Variants in INPP4B observed in about 807,000 individuals in gnomAD.
The protein encoded by INPP4B is inositol polyphosphate 4-phosphatase type II.
A neutral mutation model predicts 122.5 loss-of-function variants in INPP4B; 55 were observed. The ratio of observed to expected loss-of-function variants is 0.45; its 90% confidence interval spans 0.36 to 0.56. The LOEUF (loss-of-function observed/expected upper bound fraction) is 0.56. Ranked by LOEUF, INPP4B falls within the 20% of genes least tolerant of loss-of-function variation. The pLI, the probability that INPP4B is intolerant of heterozygous loss-of-function variation, is 0.00. For synonymous variants in INPP4B, 403 were observed against 388.7 expected (o/e 1.04, Z -0.43); for missense variants, 1,000 against 1,097.7 (o/e 0.91, Z 1.26).
chr4:142,584,760 GA>G (rs1007361633), intron 2 of INPP4B, among the ~76,000 whole-genome samples: 14 of 150,556 alleles, frequency 9.3e-5, no homozygotes, highest in South Asian at 4.2e-4. Flanking sequence ...GTTTTTTGGG[GA>G]AAAAAAAAGT....
intron 7 of INPP4B, among the ~76,000 whole-genome samples, chr4:142,399,189 C>CTTTTTTTTTTTTTTTTTTTTTT (rs70949166): frequency 1.8e-5 from 1 of 56,948 alleles, no homozygotes; most frequent in Non-Finnish European, 3.0e-5. Context: ...TTTCCTTTTG[C>CTTTTTTTTTTTTTTTTTTTTTT]TTTTTTTTTT....
intron 1 of INPP4B, among the ~76,000 whole-genome samples, chr4:142,769,353 G>T (rs1256456165): frequency 6.6e-6 from 1 of 152,144 alleles, no homozygotes; most frequent in Non-Finnish European, 1.5e-5. Context: ...ACGATGCTCT[G>T]CAAGGCACTT....
At chr4:142,617,238 T>C (rs1324911246) in intron 2 of INPP4B, among the ~76,000 whole-genome samples, 1 of 152,132 alleles carries the variant, frequency 6.6e-6, no homozygotes. Context: ...GAATACTCTG[T>C]GCCTACAGCC....
intron 5 of INPP4B, among the ~76,000 whole-genome samples, chr4:142,412,814 C>A (rs1257386795): frequency 2.0e-5 from 3 of 151,674 alleles, no homozygotes; most frequent in Non-Finnish European, 2.9e-5. Context: ...ATTCTTTTTT[C>A]TTCTCTTCTC....
At chr4:142,309,659 G>A (rs1177083111) in intron 8 of INPP4B, among the ~76,000 whole-genome samples, 1 of 152,168 alleles carries the variant, frequency 6.6e-6, no homozygotes, top group East Asian at 1.9e-4. Context: ...TTCTAGGACA[G>A]GTGGCAATTC....
At chr4:142,098,976 C>G (rs939408862) in intron 23 of INPP4B, among the ~76,000 whole-genome samples, 5 of 152,012 alleles carry the variant, frequency 3.3e-5, no homozygotes, top group Non-Finnish European at 7.4e-5. Flanking sequence ...AAAGAAGCAG[C>G]CATAGAGCAG....
chr4:142,442,573 C>T (rs1354566838), intron 3 of INPP4B, among the ~76,000 whole-genome samples: 1 of 151,988 alleles, frequency 6.6e-6, no homozygotes, highest in African/African-American at 2.4e-5. Context: ...TACCAGTTTC[C>T]ATTTAGGATG....
intron 7 of INPP4B, among the ~76,000 whole-genome samples, chr4:142,400,179 A>G (rs1801143466): frequency 1.3e-5 from 2 of 152,194 alleles, no homozygotes; most frequent in Admixed American, 6.5e-5. Context: ...TAACGTGTTT[A>G]TTTCACCGGT....
chr4:142,347,470 G>A (rs1339573231), intron 7 of INPP4B: 1 of 430,252 alleles, frequency 2.3e-6, no homozygotes, highest in Non-Finnish European at 4.6e-6. Context: ...ATAAAATGAA[G>A]GTTGGAAGAA....
chr4:142,839,252 G>A (rs1783181135), intron 1 of INPP4B, among the ~76,000 whole-genome samples: 2 of 152,186 alleles, frequency 1.3e-5, no homozygotes, highest in African/African-American at 4.8e-5. Context: ...GAGGTCAGGA[G>A]TTCGAGACCA....
intron 1 of INPP4B, among the ~76,000 whole-genome samples, chr4:142,790,903 A>C (rs1300552506): frequency 1.3e-5 from 2 of 152,028 alleles, no homozygotes; most frequent in Non-Finnish European, 2.9e-5. Context: ...CCGGTAAATG[A>C]ACCCCACACT....
intron 1 of INPP4B, among the ~76,000 whole-genome samples, chr4:142,826,179 C>T (rs1170549427): frequency 6.6e-6 from 1 of 152,092 alleles, no homozygotes; most frequent in Non-Finnish European, 1.5e-5. Flanking sequence ...CCAGCCCTGA[C>T]AGCCAAAATT....
intron 12 of INPP4B, among the ~76,000 whole-genome samples, chr4:142,215,665 G>A (rs1205297071): frequency 5.9e-5 from 9 of 151,750 alleles, no homozygotes; most frequent in Middle Eastern, 6.8e-3. Flanking sequence ...AGGCCGAGGC[G>A]GGCAGATCAC....
intron 11 of INPP4B, among the ~76,000 whole-genome samples, chr4:142,253,963 G>A (rs528246416): frequency 0.01 from 1,580 of 152,298 alleles, 20 homozygotes; most frequent in Non-Finnish European, 0.017. Context: ...CTGTCTGACA[G>A]CTTTGAAGAG....
chr4:142,050,394 TAA>T (rs1753857652), intron 25 of INPP4B, among the ~76,000 whole-genome samples: 1 of 152,014 alleles, frequency 6.6e-6, no homozygotes, highest in African/African-American at 2.4e-5. Context: ...ATTTTTCTAA[TAA>T]GAAGTATTTC....
chr4:142,093,712 C>T (rs75759808), intron 23 of INPP4B, among the ~76,000 whole-genome samples: 2 of 152,180 alleles, frequency 1.3e-5, no homozygotes, highest in African/African-American at 2.4e-5. Flanking sequence ...TAAGAACAGA[C>T]AAAACTCCAC....
intron 2 of INPP4B, among the ~76,000 whole-genome samples, chr4:142,618,807 A>T (rs1223386338): frequency 6.6e-6 from 1 of 152,018 alleles, no homozygotes; most frequent in African/African-American, 2.4e-5. Context: ...GGAATGGAGA[A>T]AATTTTTTGC....
At chr4:142,790,395 G>T (rs759260856) in intron 1 of INPP4B, among the ~76,000 whole-genome samples, 1 of 151,994 alleles carries the variant, frequency 6.6e-6, no homozygotes. Flanking sequence ...CCATTAAAAA[G>T]TGGGCTAAGG....
chr4:142,515,197 A>G (rs1253806661), intron 2 of INPP4B, among the ~76,000 whole-genome samples: 2 of 152,090 alleles, frequency 1.3e-5, no homozygotes, highest in Non-Finnish European at 1.5e-5. Flanking sequence ...GGCCTCCTGA[A>G]ACTCTTGCCT....
Sources: allele counts gnomAD v4.1 joint callset (sites outside exome capture counted in the v4.1 genomes callset), GRCh38; gene constraint gnomAD v4.1.1; transcripts MANE v1.5; gene names NCBI Gene and HGNC (gene_info 2026-07-23, HGNC 2026-07-21).